The following AGMO variants were observed in gnomAD, a reference collection of about 807,000 sequenced individuals.
AGMO encodes glyceryl-ether monooxygenase.
AGMO carries 75 observed loss-of-function variants against 60.2 expected under a neutral mutation model. The observed-to-expected ratio is 1.25, with a 90% CI of 1.03 to 1.51. The LOEUF (loss-of-function observed/expected upper bound fraction) is 1.51, where lower values mean the gene tolerates loss of function less well. Ranked by LOEUF, AGMO falls within the 40% of genes most tolerant of loss-of-function variation. The pLI, the probability that AGMO is intolerant of heterozygous loss-of-function variation, is 0.00. For missense variants in AGMO, 763 were observed against 525.5 expected (o/e 1.45, Z -4.42); for synonymous variants, 261 against 177.1 (o/e 1.47, Z -3.76).
At chr7:15,544,101 T>C (rs969554056) in intron 3 of AGMO, among the ~76,000 whole-genome samples, 2 of 152,040 alleles carry the variant, frequency 1.3e-5, no homozygotes, top group African/African-American at 4.8e-5. Flanking sequence ...ACTATTATTC[T>C]AAGTGAATTA....
At chr7:15,155,170 G>T in the AGMO span, among the ~76,000 whole-genome samples, 3 of 152,040 alleles carry the variant, frequency 2.0e-5, no homozygotes, top group African/African-American at 7.2e-5. Flanking sequence ...AAATTTTCAT[G>T]GACAGTATCC....
At chr7:15,460,585 A>C (rs1209390203) in intron 3 of AGMO, among the ~76,000 whole-genome samples, 1 of 152,100 alleles carries the variant, frequency 6.6e-6, no homozygotes, top group Non-Finnish European at 1.5e-5. Context: ...TTGTGTCAAA[A>C]ATTTTAATTT....
chr7:15,207,727 G>C (rs917335951), intron 12 of AGMO, among the ~76,000 whole-genome samples: 1 of 152,208 alleles, frequency 6.6e-6, no homozygotes, highest in Non-Finnish European at 1.5e-5. Flanking sequence ...GAGGTCAGGA[G>C]ATCGAGACCA....
chr7:15,379,971 G>C (rs1282211752), intron 10 of AGMO, among the ~76,000 whole-genome samples: 2 of 151,848 alleles, frequency 1.3e-5, no homozygotes, highest in Admixed American at 6.6e-5. Flanking sequence ...CTTTCATATT[G>C]CTCATTTTCA....
intron 6 of AGMO, among the ~76,000 whole-genome samples, chr7:15,392,386 T>C (rs1209688708): frequency 6.6e-6 from 1 of 152,212 alleles, no homozygotes; most frequent in Non-Finnish European, 1.5e-5. Flanking sequence ...TCCTTGTATA[T>C]AGAAGGAACT....
At chr7:15,215,452 T>G (rs1411556773) in intron 12 of AGMO, among the ~76,000 whole-genome samples, 3 of 151,928 alleles carry the variant, frequency 2.0e-5, no homozygotes, top group Admixed American at 6.6e-5. Context: ...ACACCGGAAT[T>G]CTCCCCCATG....
chr7:15,347,819 G>A (rs1782088768), intron 12 of AGMO, among the ~76,000 whole-genome samples: 1 of 151,994 alleles, frequency 6.6e-6, no homozygotes, highest in East Asian at 1.9e-4. Context: ...TCTAGAACCT[G>A]CTGACTGATA....
the AGMO span, among the ~76,000 whole-genome samples, chr7:15,191,932 C>T: frequency 2.1e-4 from 31 of 148,944 alleles, 1 homozygote; most frequent in African/African-American, 2.5e-5. Flanking sequence ...AATCATTGAT[C>T]GAATAAAATC....
intron 2 of AGMO, among the ~76,000 whole-genome samples, chr7:15,559,170 T>A (rs1033683199): frequency 7.9e-5 from 12 of 152,116 alleles, no homozygotes; most frequent in Non-Finnish European, 1.3e-4. Context: ...ATCATCAACA[T>A]AATGTTACAG....
At chr7:15,561,374 A>G (rs1785302382) in intron 1 of AGMO, among the ~76,000 whole-genome samples, 1 of 152,244 alleles carries the variant, frequency 6.6e-6, no homozygotes, top group Non-Finnish European at 1.5e-5. Flanking sequence ...AGATTTAAAA[A>G]TGAAATTGTT....
At chr7:15,561,396 T>G (rs1225235978) in intron 1 of AGMO, among the ~76,000 whole-genome samples, 2 of 152,216 alleles carry the variant, frequency 1.3e-5, no homozygotes, top group African/African-American at 4.8e-5. Context: ...CAAAGTTTAC[T>G]GATGTGGTGT....
chr7:15,454,213 CT>C (rs2128506459), intron 3 of AGMO, among the ~76,000 whole-genome samples: 1 of 152,068 alleles, frequency 6.6e-6, no homozygotes, highest in East Asian at 1.9e-4. Context: ...CACACACTAA[CT>C]TAAGTTCCAG....
At chr7:15,307,337 G>C (rs1780643345) in intron 12 of AGMO, among the ~76,000 whole-genome samples, 2 of 152,104 alleles carry the variant, frequency 1.3e-5, no homozygotes, top group South Asian at 4.1e-4. Flanking sequence ...ATGGTAAAAA[G>C]TTAAAATAGG....
chr7:15,434,059 G>C (rs956507107), intron 3 of AGMO, among the ~76,000 whole-genome samples: 7 of 151,972 alleles, frequency 4.6e-5, no homozygotes, highest in Non-Finnish European at 5.9e-5. Context: ...CTGCACTCTA[G>C]ATACAGAACA....
intron 3 of AGMO, among the ~76,000 whole-genome samples, chr7:15,475,950 G>T (rs965567241): frequency 6.6e-6 from 1 of 152,042 alleles, no homozygotes; most frequent in Non-Finnish European, 1.5e-5. Context: ...GGGTAGAAAT[G>T]CTTCCAAATC....
chr7:15,359,048 G>A (rs979588330), intron 12 of AGMO, among the ~76,000 whole-genome samples: 2 of 152,018 alleles, frequency 1.3e-5, no homozygotes, highest in Admixed American at 6.6e-5. Context: ...CCAGCACTTT[G>A]GGAGGCCAAG....
At chr7:15,448,433 G>T (rs948460213) in intron 3 of AGMO, among the ~76,000 whole-genome samples, 7 of 152,064 alleles carry the variant, frequency 4.6e-5, no homozygotes, top group African/African-American at 1.7e-4. Flanking sequence ...GGACTTCCTA[G>T]ACTCTAGAAT....
At chr7:15,275,522 A>G (rs751877967) in intron 12 of AGMO, among the ~76,000 whole-genome samples, 3 of 152,100 alleles carry the variant, frequency 2.0e-5, no homozygotes, top group Non-Finnish European at 2.9e-5. Context: ...TATATTCTGT[A>G]GTTGTTGGAA....
At chr7:15,320,841 C>T (rs1781087059) in intron 12 of AGMO, among the ~76,000 whole-genome samples, 1 of 152,102 alleles carries the variant, frequency 6.6e-6, no homozygotes, top group Non-Finnish European at 1.5e-5. Context: ...CTATGTTTAA[C>T]ATAATTTTCA....
Sources: gnomAD v4.1 joint callset for allele counts (sites outside exome capture counted in the v4.1 genomes callset) on GRCh38, gnomAD v4.1.1 for gene constraint, MANE v1.5 for transcripts, NCBI Gene and HGNC (gene_info 2026-07-23, HGNC 2026-07-21) for gene names.